The following FHL2 variants were observed in gnomAD, a reference collection of about 807,000 sequenced individuals.
FHL2 encodes four and a half LIM domains 2, also known as four and a half LIM domains protein 2.
A neutral mutation model predicts 32.7 loss-of-function variants in FHL2; 20 were observed. The observed-to-expected ratio is 0.61, with a 90% confidence interval of 0.43 to 0.89. FHL2 has a LOEUF of 0.89. Ranked by LOEUF, FHL2 falls within the 40% of genes least tolerant of loss-of-function variation. The pLI, the probability that FHL2 is intolerant of heterozygous loss-of-function variation, is 0.00. For synonymous variants in FHL2, 123 were observed against 128.1 expected, an observed-to-expected ratio of 0.96 and a Z score of 0.27; for missense variants, 311 against 358.6, an observed-to-expected ratio of 0.87 and a Z score of 1.07.
intron 1 of FHL2, among the ~76,000 whole-genome samples, chr2:105,409,101 C>T (rs1465587414): frequency 6.6e-6 from 1 of 152,182 alleles, no homozygotes; most frequent in Non-Finnish European, 1.5e-5. Flanking sequence ...GAGGCTTTAG[C>T]TCACAGAGAG....
chr2:105,432,547 A>G (rs1234054606), intron 1 of FHL2, among the ~76,000 whole-genome samples: 1 of 152,238 alleles, frequency 6.6e-6, no homozygotes, highest in Non-Finnish European at 1.5e-5. Flanking sequence ...TAGTAAGTTA[A>G]TTAAAAGATT....
At position 105,373,623 on chromosome 2, in the gene FHL2, A is replaced by G. The variant is rs1325911786; in HGVS notation, c.267T>C (p.Cys89=). The G allele has an allele frequency of 6.2e-7, 1 of 1,614,214 alleles. No homozygotes were observed. Among genetic ancestry groups the G allele is most frequent in the South Asian group, 1.1e-5 (1 of 91,080 alleles). The part of the protein sequence containing the change: ...PFAAKEDQLL[C]TDCYSNEYSS... ...AGTACTCGTTGGAATAGCAGTCTGT[A>G]CAGAGCAGCTGGTCCTCCTTGGCAG... The change falls in exon 4 of 7, where the codon TGT becomes TGC. Residue 89 remains cysteine, a synonymous_variant. Coordinates refer to ENST00000530340, the MANE Select transcript of FHL2 (RefSeq NM_001318895.3).
chr2:105,375,161 G>GCA (rs2104540323), intron 3 of FHL2: 1 of 152,148 alleles, frequency 6.6e-6, no homozygotes, highest in South Asian at 2.1e-4. Flanking sequence ...GTGTGTGTGC[G>GCA]CGTGCGTGTG....
chr2:105,417,716 T>A (rs13400470), intron 1 of FHL2, among the ~76,000 whole-genome samples: 53,033 of 146,742 alleles, frequency 0.36, 10,157 homozygotes, highest in Admixed American at 0.46. Flanking sequence ...AAAGAAAGAA[T>A]GAAAAAAAGA....
At chr2:105,432,383 CCT>C (rs1389198932) in intron 1 of FHL2, among the ~76,000 whole-genome samples, 4 of 152,250 alleles carry the variant, frequency 2.6e-5, no homozygotes, top group African/African-American at 9.6e-5. Flanking sequence ...TCTTGTTTGA[CCT>C]CTGTCTTTGA....
chr2:105,404,944 G>A (rs1460526026), intron 1 of FHL2, among the ~76,000 whole-genome samples: 1 of 152,130 alleles, frequency 6.6e-6, no homozygotes, highest in African/African-American at 2.4e-5. Flanking sequence ...CCCATCCTTG[G>A]TTAGAGTTTA....
intron 1 of FHL2, among the ~76,000 whole-genome samples, chr2:105,416,482 G>T (rs539367601): frequency 1.3e-5 from 2 of 152,276 alleles, no homozygotes; most frequent in African/African-American, 4.8e-5. Flanking sequence ...TAAATGGATA[G>T]ATTCTACACC....
intron 1 of FHL2, among the ~76,000 whole-genome samples, chr2:105,427,300 T>C (rs886423780): frequency 6.6e-6 from 1 of 152,258 alleles, no homozygotes; most frequent in Non-Finnish European, 1.5e-5. Flanking sequence ...TTCTATTTTT[T>C]CCTGCTCTAG....
At chr2:105,437,379 T>C (rs772177331) in intron 1 of FHL2, among the ~76,000 whole-genome samples, 5 of 152,138 alleles carry the variant, frequency 3.3e-5, no homozygotes, top group Non-Finnish European at 5.9e-5. Context: ...ACACATTCTA[T>C]GTATGTACCG....
Position 105,373,622 on chromosome 2 carries a change from T to C in FHL2, c.268A>G (p.Thr90Ala), listed in dbSNP as rs1442733410. ...FAAKEDQLLC[T>A]DCYSNEYSSK... Reference sequence around the variant, plus strand: ...GAGTACTCGTTGGAATAGCAGTCTGTACAGAGCAGCTGGTCCTCCTTGGCA... The same window carrying C: ...GAGTACTCGTTGGAATAGCAGTCTGCACAGAGCAGCTGGTCCTCCTTGGCA... The change falls in exon 4 of 7, where the codon ACA becomes GCA. Residue 90 changes from threonine (T) to alanine (A), a missense_variant. Transcript: ENST00000530340. The C allele has an allele frequency of 1.2e-6, 2 of 1,614,216 alleles. No individual in the cohort carries two copies. The highest frequency in any genetic ancestry group is 4.5e-5 in the East Asian group (2 of 44,880).
At chr2:105,384,123 G>A (rs1458576715) in intron 3 of FHL2, among the ~76,000 whole-genome samples, 2 of 152,176 alleles carry the variant, frequency 1.3e-5, no homozygotes, top group African/African-American at 2.4e-5. Context: ...ACTGGTCAGG[G>A]ATGATTAGCC....
At chr2:105,406,455 C>CTTTTT (rs10655752) in intron 1 of FHL2, among the ~76,000 whole-genome samples, 1 of 141,470 alleles carries the variant, frequency 7.1e-6, no homozygotes, top group Non-Finnish European at 1.5e-5. Flanking sequence ...TTTTTCTTAT[C>CTTTTT]TTTTTTTTTT....
intron 1 of FHL2, among the ~76,000 whole-genome samples, chr2:105,433,679 C>G (rs1020276138): frequency 6.6e-5 from 10 of 152,158 alleles, no homozygotes; most frequent in African/African-American, 2.4e-4. Context: ...TAGAGCCACC[C>G]TGTACATCCT....
At chr2:105,384,862 G>A (rs143653458) in intron 3 of FHL2, among the ~76,000 whole-genome samples, 8 of 152,264 alleles carry the variant, frequency 5.3e-5, no homozygotes, top group South Asian at 2.1e-4. Context: ...TCAAGTAACT[G>A]ACCCAAGGCC....
chr2:105,407,355 G>A (rs1408612197), intron 1 of FHL2, among the ~76,000 whole-genome samples: 1 of 146,376 alleles, frequency 6.8e-6, no homozygotes, highest in African/African-American at 2.6e-5. Context: ...TCGCTCCACT[G>A]CACTCCAGCC....
intron 1 of FHL2, among the ~76,000 whole-genome samples, chr2:105,406,625 T>C (rs1426898037): frequency 6.6e-6 from 1 of 152,168 alleles, no homozygotes; most frequent in Admixed American, 6.6e-5. Flanking sequence ...TTGCTTCTGG[T>C]CCCTTGAATT....
rs762950604 is a variant in FHL2, at chr2:105,373,557, A to T, written c.331+2T>A. On this transcript the variant is annotated splice_donor_variant, in intron 4 of 6. Transcript: ENST00000530340. LOFTEE classifies it high-confidence loss of function. ...ACGCATGAGAAAGGAGTGCCTCCTG[A>T]CCTGGCATGATGGTCTTCTTGCATT... The T allele has an allele frequency of 6.2e-7, 1 of 1,614,186 alleles. No homozygotes were observed. Among genetic ancestry groups the T allele is most frequent in the South Asian group, 1.1e-5 (1 of 91,084 alleles).
At chr2:105,382,469 G>A (rs1355922777) in intron 3 of FHL2, among the ~76,000 whole-genome samples, 1 of 152,154 alleles carries the variant, frequency 6.6e-6, no homozygotes, top group East Asian at 1.9e-4. Flanking sequence ...TTAACCCTTG[G>A]CAAGATCCTC....
At chr2:105,380,401 C>G (rs1681803400) in intron 3 of FHL2, among the ~76,000 whole-genome samples, 1 of 152,148 alleles carries the variant, frequency 6.6e-6, no homozygotes, top group Non-Finnish European at 1.5e-5. Context: ...TATCTATCAT[C>G]TATCTGTTTA....
Sources: gnomAD v4.1 joint callset for allele counts (sites outside exome capture counted in the v4.1 genomes callset) on GRCh38, gnomAD v4.1.1 for gene constraint, MANE v1.5 for transcripts, NCBI Gene and HGNC (gene_info 2026-07-23, HGNC 2026-07-21) for gene names.